Variants in TANC2 observed in about 807,000 individuals in gnomAD.
TANC2 encodes the protein protein TANC2.
A neutral mutation model predicts 210.5 loss-of-function variants in TANC2; 26 were observed. That is an observed-to-expected ratio of 0.12 (90% CI 0.09 to 0.17). TANC2 has a LOEUF of 0.17. Ranked by LOEUF, TANC2 falls within the 10% of genes least tolerant of loss-of-function variation. The pLI, the probability that TANC2 is intolerant of heterozygous loss-of-function variation, is 1.00. For synonymous variants in TANC2, 931 were observed against 967.1 expected, an observed-to-expected ratio of 0.96 and a Z score of 0.69; for missense variants, 2,129 against 2,608.9, an observed-to-expected ratio of 0.82 and a Z score of 4.01.
In TANC2 at chr17:63,327,240, T is replaced by C. The variant is rs187192429; in HGVS notation, c.1575+8150T>C. On this transcript the variant is annotated intron_variant, in intron 11 of 27. Coordinates refer to ENST00000689528, the Ensembl canonical transcript of TANC2. ...GACGAAAGATAAGTGTTGGCAAGGATGTGGAGAAAAGGGCACTCTTTACGT... is the reference window on the plus strand; with the variant it reads ...GACGAAAGATAAGTGTTGGCAAGGACGTGGAGAAAAGGGCACTCTTTACGT... 4.1e-3 allele frequency among the ~76,000 whole-genome samples: 620 copies of C among 152,308 alleles called. 5 individuals carry two copies. Among genetic ancestry groups the C allele is most frequent in the African/African-American group, 0.014 (601 of 41,566 alleles).
At chr17:63,380,231 G>A (rs2047562163) in intron 15 of TANC2, among the ~76,000 whole-genome samples, 1 of 152,078 alleles carries the variant, frequency 6.6e-6, no homozygotes, top group Non-Finnish European at 1.5e-5. Context: ...AACATTCCTG[G>A]TGCTATGACT....
At chr17:63,177,977 T>A (rs1428734231) in intron 5 of TANC2, among the ~76,000 whole-genome samples, 1 of 152,220 alleles carries the variant, frequency 6.6e-6, no homozygotes, top group Non-Finnish European at 1.5e-5. Context: ...TTGTTTCTTA[T>A]ATTTCTTCCC....
At chr17:63,308,801 G>A (rs2045014878) in intron 9 of TANC2, among the ~76,000 whole-genome samples, 1 of 151,804 alleles carries the variant, frequency 6.6e-6, no homozygotes, top group South Asian at 2.1e-4. Context: ...TAAAATATTT[G>A]CTTATTTTGT....
At chr17:63,029,074 C>T (rs1350259618) in intron 2 of TANC2, among the ~76,000 whole-genome samples, 1 of 152,050 alleles carries the variant, frequency 6.6e-6, no homozygotes, top group African/African-American at 2.4e-5. Context: ...TTGTTCATCT[C>T]TTCATACAGT....
rs761392425 is a variant in TANC2 at position 63,206,415 on chromosome 17, G to A, written c.769+5458G>A. ...TACTTGTATGCTGATGTTCATAGTG[G>A]CATTTTCACAACGGCCAAAAAGTGG... On this transcript the variant is annotated intron_variant, in intron 7 of 27. Transcript: ENST00000689528. 3.9e-4 allele frequency among the ~76,000 whole-genome samples: 60 copies of A among 152,160 alleles called. 1 individual carries two copies. The highest frequency in any genetic ancestry group is 7.9e-4 in the Non-Finnish European group (54 of 68,028).
At chr17:63,207,600 A>G (rs754162996) in intron 7 of TANC2, among the ~76,000 whole-genome samples, 1 of 152,136 alleles carries the variant, frequency 6.6e-6, no homozygotes, top group Non-Finnish European at 1.5e-5. Flanking sequence ...TTGCCATATC[A>G]TATTCTACTG....
At chr17:63,142,673 T>G (rs1421296490) in intron 4 of TANC2, among the ~76,000 whole-genome samples, 3 of 152,218 alleles carry the variant, frequency 2.0e-5, no homozygotes, top group African/African-American at 7.2e-5. Context: ...TTCCAAATTT[T>G]TAAAGACATA....
intron 6 of TANC2, among the ~76,000 whole-genome samples, chr17:63,199,339 T>C (rs1254215136): frequency 6.6e-6 from 1 of 152,164 alleles, no homozygotes; most frequent in African/African-American, 2.4e-5. Context: ...CGATAAAATG[T>C]TGGCCGGGTG....
chr17:63,335,614 A>C (rs76438196), intron 11 of TANC2, among the ~76,000 whole-genome samples: 1 of 108,680 alleles, frequency 9.2e-6, no homozygotes, highest in African/African-American at 2.7e-5. Context: ...CTCTTTCTCA[A>C]AAAAAAAAAA....
intron 1 of TANC2, among the ~76,000 whole-genome samples, chr17:63,006,236 ATC>A (rs1454492297): frequency 6.6e-6 from 1 of 151,660 alleles, no homozygotes; most frequent in Non-Finnish European, 1.5e-5. Context: ...TGCTGATTTT[ATC>A]TGTTTTGCAT....
At chr17:63,171,771 C>T (rs2040413089) in intron 5 of TANC2, among the ~76,000 whole-genome samples, 1 of 152,220 alleles carries the variant, frequency 6.6e-6, no homozygotes, top group African/African-American at 2.4e-5. Flanking sequence ...CCTACTATAT[C>T]TACATATTAA....
At chr17:63,286,174 C>G (rs1187672796) in intron 9 of TANC2, among the ~76,000 whole-genome samples, 1 of 152,134 alleles carries the variant, frequency 6.6e-6, no homozygotes, top group Non-Finnish European at 1.5e-5. Context: ...ATGTATTTAT[C>G]CATGCGTTAC....
chr17:63,211,061 G>A lies in TANC2; in HGVS notation c.769+10104G>A, dbSNP rs118085316. 7.9e-3 allele frequency among the ~76,000 whole-genome samples: 1,204 copies of A among 151,910 alleles called. 8 individuals carry two copies. The highest frequency in any genetic ancestry group is 0.034 in the Middle Eastern group (10 of 294). On this transcript the variant is annotated intron_variant, in intron 7 of 27. Transcript: ENST00000689528. ...CATCCTTCATAGCATTGCTTCAATG[G>A]TCCTCATTATCTCAGACTTAGATTA... is the stretch of plus-strand genomic sequence containing the variant.
intron 5 of TANC2, among the ~76,000 whole-genome samples, chr17:63,177,647 G>A (rs2040635478): frequency 6.6e-6 from 1 of 152,154 alleles, no homozygotes; most frequent in Non-Finnish European, 1.5e-5. Flanking sequence ...AGTATTGGTT[G>A]AAATGGCTCT....
At chr17:62,970,534 A>ACTTT (rs3060699) in intron 1 of TANC2, among the ~76,000 whole-genome samples, 1 of 151,534 alleles carries the variant, frequency 6.6e-6, no homozygotes, top group Non-Finnish European at 1.5e-5. Context: ...TTCTTAAGTG[A>ACTTT]GTATGAATTA....
intron 1 of TANC2, among the ~76,000 whole-genome samples, chr17:62,982,116 T>A (rs1160010533): frequency 6.6e-6 from 1 of 152,158 alleles, no homozygotes; most frequent in Non-Finnish European, 1.5e-5. Flanking sequence ...TGGGTCAAAA[T>A]CTCAACTCTT....
exon 8 of TANC2, chr17:63,237,889 G>A: frequency 6.4e-7 from 1 of 1,567,288 alleles, no homozygotes; most frequent in Non-Finnish European, 8.7e-7. Context: ...TTAGGATCTG[G>A]AGGAAACATA....
At chr17:63,149,355 T>A (rs571704852) in intron 4 of TANC2, 24 of 152,270 alleles carry the variant, frequency 1.6e-4, no homozygotes, top group African/African-American at 5.8e-4. Context: ...TGTACACGCC[T>A]CATACCTCCC....
At chr17:63,361,267 T>A (rs1281141111) in intron 14 of TANC2, among the ~76,000 whole-genome samples, 1 of 152,190 alleles carries the variant, frequency 6.6e-6, no homozygotes, top group Non-Finnish European at 1.5e-5. Context: ...TGAGTATTGC[T>A]CACACCCTTT....
Sources: gnomAD v4.1 joint callset for allele counts (sites outside exome capture counted in the v4.1 genomes callset) on GRCh38, gnomAD v4.1.1 for gene constraint, MANE v1.5 for transcripts, NCBI Gene and HGNC (gene_info 2026-07-23, HGNC 2026-07-21) for gene names.